The following PHLDB2 variants were observed in gnomAD, a reference collection of about 807,000 sequenced individuals.
PHLDB2 encodes pleckstrin homology like domain family B member 2.
Under a neutral mutation model 123.6 loss-of-function variants are expected in PHLDB2, and 71 were observed. The ratio of observed to expected loss-of-function variants is 0.57; its 90% CI spans 0.47 to 0.70. PHLDB2 has a LOEUF of 0.70. PHLDB2 is among the 30% of genes least tolerant of loss of function. The pLI, the probability that PHLDB2 is intolerant of heterozygous loss-of-function variation, is 0.00. For missense variants in PHLDB2, 1,446 were observed against 1,519.5 expected, an observed-to-expected ratio of 0.95 and a Z score of 0.80; for synonymous variants, 547 against 541.6, an observed-to-expected ratio of 1.01 and a Z score of -0.14.
At chr3:111,931,644 C>A (rs1020039409) in intron 5 of PHLDB2, among the ~76,000 whole-genome samples, 4 of 152,192 alleles carry the variant, frequency 2.6e-5, no homozygotes, top group African/African-American at 9.7e-5. Context: ...GTCTGTCTTG[C>A]ATTTTTACTA....
At chr3:111,961,556 G>A (rs1577203848) in intron 12 of PHLDB2, among the ~76,000 whole-genome samples, 2 of 152,088 alleles carry the variant, frequency 1.3e-5, no homozygotes, top group East Asian at 1.9e-4. Flanking sequence ...GAGAGAGAGA[G>A]AAAATGGGAA....
intron 1 of PHLDB2, among the ~76,000 whole-genome samples, chr3:111,780,753 C>T (rs149689314): frequency 1.7e-4 from 26 of 152,172 alleles, no homozygotes; most frequent in African/African-American, 5.8e-4. Context: ...AGACTTGCAG[C>T]TTTGATGTCC....
Position 111,939,585 on chromosome 3 carries a change from C to G in PHLDB2, c.2241C>G (p.Leu747=). ...AAAAGGAGAACTTGACTCAACAGCT[C>G]CTGCGTGAAGTTGCTGAATATCAAC... The part of the protein sequence containing the change: ...DEEKENLTQQ[L]LREVAEYQRN... Residue 747 remains leucine, a synonymous_variant, in exon 7 of 18, where the codon CTC becomes CTG. Coordinates refer to ENST00000431670, the MANE Select transcript of PHLDB2 (RefSeq NM_001134438.2). The G allele has an allele frequency of 2.5e-6, 4 of 1,613,818 alleles. No individual in the cohort carries two copies. Among genetic ancestry groups the G allele is most frequent in the Non-Finnish European group, 3.4e-6 (4 of 1,179,884 alleles).
At chr3:111,811,161 A>T (rs2061820256) in intron 1 of PHLDB2, among the ~76,000 whole-genome samples, 1 of 152,246 alleles carries the variant, frequency 6.6e-6, no homozygotes, top group Admixed American at 6.5e-5. Flanking sequence ...CTGGTCTTAC[A>T]GTTAAAGCCT....
chr3:111,754,282 G>A (rs1181659083), intron 1 of PHLDB2, among the ~76,000 whole-genome samples: 1 of 145,016 alleles, frequency 6.9e-6, no homozygotes, highest in Non-Finnish European at 1.5e-5. Flanking sequence ...CTACCCATGA[G>A]CATGGAATGT....
chr3:111,908,169 C>T (rs2107482321), intron 2 of PHLDB2, among the ~76,000 whole-genome samples: 1 of 152,228 alleles, frequency 6.6e-6, no homozygotes. Flanking sequence ...TCACATGTGG[C>T]CCACTCTACC....
intron 1 of PHLDB2, among the ~76,000 whole-genome samples, chr3:111,813,234 C>G (rs557924866): frequency 3.2e-4 from 48 of 152,210 alleles, no homozygotes; most frequent in South Asian, 2.3e-3. Context: ...AATGTGATTA[C>G]TATAGTTAAT....
At chr3:111,739,475 G>A (rs762114951) in intron 1 of PHLDB2, among the ~76,000 whole-genome samples, 11 of 151,716 alleles carry the variant, frequency 7.3e-5, no homozygotes, top group Non-Finnish European at 1.6e-4. Flanking sequence ...ACATGGCAGT[G>A]AGTCAGATGG....
At chr3:111,775,157 A>G (rs937973692) in intron 1 of PHLDB2, among the ~76,000 whole-genome samples, 1 of 152,172 alleles carries the variant, frequency 6.6e-6, no homozygotes, top group African/African-American at 2.4e-5. Flanking sequence ...CATCCTCCAA[A>G]CAACCTTATG....
chr3:111,767,220 C>G (rs900919645), intron 1 of PHLDB2, among the ~76,000 whole-genome samples: 2 of 152,046 alleles, frequency 1.3e-5, no homozygotes, highest in African/African-American at 4.8e-5. Flanking sequence ...AACCTGCATA[C>G]AGAAAAGTCA....
intron 1 of PHLDB2, among the ~76,000 whole-genome samples, chr3:111,862,348 T>C (rs1019071748): frequency 2.6e-5 from 4 of 152,194 alleles, no homozygotes; most frequent in African/African-American, 7.2e-5. Flanking sequence ...TGTCACTCTT[T>C]TGAAACAAAA....
rs1288869270 is a variant in PHLDB2 at position 111,831,017 on chromosome 3, G to GA, written c.-48-14801dup. Among the ~76,000 whole-genome samples, 14 of 109,812 alleles carry GA rather than the reference G, an allele frequency of 1.3e-4. 2 individuals carry two copies. Among genetic ancestry groups the GA allele is most frequent in the Non-Finnish European group, 1.6e-4 (9 of 55,812 alleles). The allele number at this position is 109,812 out of a possible 152,430, so 72.0% of individuals were successfully genotyped here. On this transcript the variant is annotated intron_variant, in intron 1 of 17. Coordinates refer to the PHLDB2 transcript ENST00000393923. ...AGAAAGAAAGAAAGAAAGAAAGAAA[G>GA]AAAGAAAGAAAGAAAGGAAGGAAGG...
At chr3:111,880,759 A>AT (rs1230175917) in intron 1 of PHLDB2, among the ~76,000 whole-genome samples, 5 of 152,276 alleles carry the variant, frequency 3.3e-5, no homozygotes, top group South Asian at 4.2e-4. Flanking sequence ...TTGATTAAAA[A>AT]ATATATAAAT....
At chr3:111,780,399 A>AGAAGAAGAAGGAGAAG (rs1553726800) in intron 1 of PHLDB2, among the ~76,000 whole-genome samples, 1 of 74,364 alleles carries the variant, frequency 1.3e-5, no homozygotes, top group Non-Finnish European at 2.9e-5. Context: ...AAGAAGAAGA[A>AGAAGAAGAAGGAGAAG]GAAGAAGAAG....
At chr3:111,837,906 A>AG (rs138274543) in intron 1 of PHLDB2, among the ~76,000 whole-genome samples, 15,441 of 152,094 alleles carry the variant, frequency 0.1, 1,026 homozygotes, top group South Asian at 0.17. Flanking sequence ...AGCCAGGCAT[A>AG]GTGATGCACG....
At chr3:111,957,142 A>G (rs544115901) in intron 12 of PHLDB2, 1 of 152,640 alleles carries the variant, frequency 6.6e-6, no homozygotes, top group Non-Finnish European at 1.5e-5. Flanking sequence ...CTGAAGTTGG[A>G]ATGGTTATTG....
chr3:111,904,152 C>T (rs192130176), intron 2 of PHLDB2, among the ~76,000 whole-genome samples: 9 of 151,760 alleles, frequency 5.9e-5, no homozygotes, highest in Admixed American at 3.9e-4. Flanking sequence ...GTGGCAGGCA[C>T]CTATAATCCC....
In PHLDB2 at chr3:111,942,851, G is replaced by A. The variant is rs370276530; in HGVS notation, c.2397+2206G>A. On this transcript the variant is annotated intron_variant, in intron 8 of 17. Coordinates refer to ENST00000431670, the MANE Select transcript of PHLDB2 (RefSeq NM_001134438.2). ...AATATGTTAATATTAATATATAATG[G>A]TATATAATATGTAATATTAAGTAAG... Among the ~76,000 whole-genome samples the A allele has an allele frequency of 1.8e-4, 27 of 149,634 alleles. No individual in the cohort carries two copies. The East Asian group carries it at 5.1e-3, about 28-fold the overall frequency.
chr3:111,790,628 C>T (rs1428362789), intron 1 of PHLDB2, among the ~76,000 whole-genome samples: 1 of 152,152 alleles, frequency 6.6e-6, no homozygotes, highest in East Asian at 1.9e-4. Context: ...GCAAGAGAGA[C>T]TTCTGTTTGA....
Sources: allele counts gnomAD v4.1 joint callset (sites outside exome capture counted in the v4.1 genomes callset), GRCh38; gene constraint gnomAD v4.1.1; transcripts MANE v1.5; gene names NCBI Gene and HGNC (gene_info 2026-07-23, HGNC 2026-07-21).